Variants in NTSR1 observed in about 807,000 individuals in gnomAD.
The protein encoded by NTSR1 is neurotensin receptor type 1.
Under a neutral mutation model 31.2 loss-of-function variants are expected in NTSR1, and 29 were observed. The observed-to-expected ratio is 0.93, with a 90% confidence interval of 0.69 to 1.27. The LOEUF is 1.27. Among genes scored for constraint, NTSR1 ranks in the 50% most tolerant of loss-of-function variants. The pLI is 0.00. For synonymous variants in NTSR1, 282 were observed against 269.9 expected, an observed-to-expected ratio of 1.04 and a Z score of -0.44; for missense variants, 697 against 595.4, an observed-to-expected ratio of 1.17 and a Z score of -1.78.
intron 1 of NTSR1, among the ~76,000 whole-genome samples, chr20:62,723,178 G>T (rs540016491): frequency 6.6e-6 from 1 of 152,164 alleles, no homozygotes; most frequent in Non-Finnish European, 1.5e-5. Context: ...ATTCAAACAC[G>T]GTTCCTCTCC....
chr20:62,730,533 G>A (rs1988985359), intron 1 of NTSR1, among the ~76,000 whole-genome samples: 1 of 152,208 alleles, frequency 6.6e-6, no homozygotes, highest in South Asian at 2.1e-4. Flanking sequence ...CATTTATGAA[G>A]AAGGCTGCTA....
chr20:62,718,609 G>T (rs1323489730), intron 1 of NTSR1, among the ~76,000 whole-genome samples: 1 of 145,354 alleles, frequency 6.9e-6, no homozygotes, highest in African/African-American at 2.5e-5. Flanking sequence ...TTTCTGGGAC[G>T]TCGAGTGAAT....
intron 1 of NTSR1, among the ~76,000 whole-genome samples, chr20:62,717,673 G>A (rs1988756357): frequency 6.6e-6 from 1 of 152,164 alleles, no homozygotes; most frequent in South Asian, 2.1e-4. Context: ...GCTTGGGAGG[G>A]CTGGGAGCCT....
intron 1 of NTSR1, among the ~76,000 whole-genome samples, chr20:62,730,284 C>T (rs1188229846): frequency 2.6e-5 from 4 of 152,196 alleles, no homozygotes; most frequent in Non-Finnish European, 4.4e-5. Flanking sequence ...CCCTGGCACC[C>T]ACTGATCCTC....
At chr20:62,724,389 G>A (rs950534068) in intron 1 of NTSR1, among the ~76,000 whole-genome samples, 1 of 152,124 alleles carries the variant, frequency 6.6e-6, no homozygotes, top group African/African-American at 2.4e-5. Context: ...CTACCCTGGC[G>A]AACCTGCCAC....
At position 62,760,077 on chromosome 20, in the gene NTSR1, G is replaced by C. The variant is rs746002141; in HGVS notation, c.1067G>C (p.Ser356Thr). The change falls in exon 4 of 4, where the codon AGC becomes ACC. Residue 356 changes from serine (S) to threonine (T), a missense_variant. Coordinates refer to ENST00000370501, the MANE Select transcript of NTSR1 (RefSeq NM_002531.3). ...GTGACCAACGCACTCTTCTACGTCA[G>C]CTCCACCATCAACCCCATCCTGTAC... ...YMVTNALFYV[S>T]STINPILYNL... 20 of 1,613,966 alleles carry C rather than the reference G, an allele frequency of 1.2e-5. No individual in the cohort carries two copies. Among genetic ancestry groups the C allele is most frequent in the East Asian group, 2.2e-5 (1 of 44,890 alleles).
At chr20:62,713,964 G>C (rs760368466) in intron 1 of NTSR1, among the ~76,000 whole-genome samples, 6 of 152,240 alleles carry the variant, frequency 3.9e-5, no homozygotes, top group Non-Finnish European at 7.3e-5. Context: ...GCTGGGCGTC[G>C]TGAAGGATGC....
At chr20:62,712,132 G>A (rs6010934) in intron 1 of NTSR1, among the ~76,000 whole-genome samples, 18,064 of 152,218 alleles carry the variant, frequency 0.12, 1,197 homozygotes, top group African/African-American at 0.16. Context: ...AACATTCCTC[G>A]TAGGAGAGGC....
At chr20:62,735,014 C>T (rs1004377819) in intron 1 of NTSR1, among the ~76,000 whole-genome samples, 35 of 152,238 alleles carry the variant, frequency 2.3e-4, no homozygotes, top group Admixed American at 7.2e-4. Flanking sequence ...GGTGGGGTGC[C>T]GCGTGCGGGG....
intron 1 of NTSR1, among the ~76,000 whole-genome samples, chr20:62,730,446 C>T (rs1988983803): frequency 6.6e-6 from 1 of 152,204 alleles, no homozygotes; most frequent in Non-Finnish European, 1.5e-5. Flanking sequence ...CTTTTTACGG[C>T]TGAATAATAT....
chr20:62,738,703 G>T (rs1332210261), intron 1 of NTSR1, among the ~76,000 whole-genome samples: 1 of 152,244 alleles, frequency 6.6e-6, no homozygotes, highest in Non-Finnish European at 1.5e-5. Flanking sequence ...GGTTAGCATG[G>T]CAGGAACCCG....
rs1319999873 is a variant in NTSR1 at position 62,744,139 on chromosome 20, C to T, written c.715-10546C>T. ...CCCACCAGCCGTCGCCCCAGCGTGT[C>T]CCATCCCAGCCTCCCAAGCCGCAGT... On this transcript the variant is annotated intron_variant, in intron 1 of 3. Coordinates refer to ENST00000370501, the MANE Select transcript of NTSR1 (RefSeq NM_002531.3). The surrounding 1 kb of genome is among the most constrained non-coding windows in gnomAD (Gnocchi z 4.1). Among the ~76,000 whole-genome samples the T allele has an allele frequency of 2.6e-5, 4 of 152,212 alleles. No homozygotes were observed. The highest frequency in any genetic ancestry group is 4.4e-5 in the Non-Finnish European group (3 of 68,046).
chr20:62,756,089 AG>A (rs1989508092), intron 2 of NTSR1, among the ~76,000 whole-genome samples: 2 of 151,894 alleles, frequency 1.3e-5, no homozygotes, highest in Admixed American at 1.3e-4. Flanking sequence ...CAGCAGAGGC[AG>A]GGGCATCCCT....
chr20:62,713,199 G>A (rs1292417978), intron 1 of NTSR1, among the ~76,000 whole-genome samples: 2 of 152,210 alleles, frequency 1.3e-5, no homozygotes, highest in Admixed American at 1.3e-4. Context: ...TCCTGCTCCT[G>A]CAGGCTCAGC....
chr20:62,746,957 G>A lies in NTSR1; in HGVS notation c.715-7728G>A, dbSNP rs991604358. On this transcript the variant is annotated intron_variant, in intron 1 of 3. Transcript: ENST00000370501. ...CCTGATACCAAAGCCAGAGAAGGAC[G>A]CTATGAGAAAAGAACCAAGAGGCAA... Among the ~76,000 whole-genome samples, 12 of 152,314 alleles carry A rather than the reference G, an allele frequency of 7.9e-5. No individual in the cohort carries two copies. The East Asian group carries it at 1.3e-3, about 17-fold the overall frequency.
chr20:62,748,537 A>C (rs1463308436), intron 1 of NTSR1, among the ~76,000 whole-genome samples: 1 of 152,218 alleles, frequency 6.6e-6, no homozygotes. Flanking sequence ...TTATATTACA[A>C]AGCTATAGTA....
chr20:62,738,674 G>A (rs941158237), intron 1 of NTSR1, among the ~76,000 whole-genome samples: 17 of 152,254 alleles, frequency 1.1e-4, no homozygotes, highest in African/African-American at 2.4e-4. Flanking sequence ...CCTGTGCACT[G>A]CCTCTCTTCT....
chr20:62,754,477 G>A (rs945970345), intron 1 of NTSR1, among the ~76,000 whole-genome samples: 8 of 152,190 alleles, frequency 5.3e-5, no homozygotes, highest in African/African-American at 1.7e-4. Context: ...GCAGGGTCGG[G>A]GGCAGGCTGA....
Position 62,758,176 on chromosome 20 carries a change from T to C in NTSR1, c.917-90T>C, listed in dbSNP as rs1237860863. The C allele has an allele frequency of 7.2e-7, 1 of 1,385,598 alleles. No homozygotes were observed. Among genetic ancestry groups the C allele is most frequent in the African/African-American group, 1.6e-5 (1 of 62,874 alleles). 85.8% of individuals were successfully genotyped at this position (1,385,598 alleles called of 1,614,324 possible). On this transcript the variant is annotated intron_variant, in intron 2 of 3. Transcript: ENST00000370501. This position sits in a 1 kb window ranked among gnomAD's most constrained non-coding sequence, Gnocchi z 4.5. Reference sequence around the variant, plus strand: ...GGTGCAGTGGGTCTCTGAGCCCACATCTGTGTGCCTCAGGTGCAGTGGGTC... The same window carrying C: ...GGTGCAGTGGGTCTCTGAGCCCACACCTGTGTGCCTCAGGTGCAGTGGGTC...
Sources: gnomAD v4.1 joint callset for allele counts (sites outside exome capture counted in the v4.1 genomes callset) on GRCh38, gnomAD v4.1.1 for gene constraint, Gnocchi (gnomAD v3.1) non-coding constraint, MANE v1.5 for transcripts, NCBI Gene and HGNC (gene_info 2026-07-23, HGNC 2026-07-21) for gene names.